DIP2C: variants seen among roughly 807,000 people sequenced by gnomAD.
DIP2C encodes the protein DIP2 acetate--CoA ligase C (putative).
Under a neutral mutation model 192.4 loss-of-function variants are expected in DIP2C, and 33 were observed. The observed-to-expected ratio is 0.17, with a 90% CI of 0.13 to 0.23. The LOEUF is 0.23. DIP2C is among the 10% of genes least tolerant of loss of function. The probability of loss-of-function intolerance (pLI) is 1.00; values close to 1 mark genes in which losing one functional copy is unlikely to be tolerated. For missense variants in DIP2C, 1,537 were observed against 2,110.1 expected (o/e 0.73, Z 5.32); for synonymous variants, 979 against 864.1 (o/e 1.13, Z -2.33).
chr10:597,033 T>C (rs960175610), intron 1 of DIP2C, among the ~76,000 whole-genome samples: 51 of 152,216 alleles, frequency 3.4e-4, no homozygotes, highest in African/African-American at 1.0e-3. Context: ...TGTTTGCCTC[T>C]GGACTGAGTG....
At chr10:461,116 C>G (rs1158863400) in intron 3 of DIP2C, among the ~76,000 whole-genome samples, 2 of 152,192 alleles carry the variant, frequency 1.3e-5, no homozygotes, top group Non-Finnish European at 2.9e-5. Flanking sequence ...GTAAAGACCA[C>G]TGACACTGTG....
chr10:538,215 T>C (rs1420098444), intron 1 of DIP2C, among the ~76,000 whole-genome samples: 1 of 152,192 alleles, frequency 6.6e-6, no homozygotes, highest in African/African-American at 2.4e-5. Flanking sequence ...TGGCATGCAG[T>C]GGCACAATGA....
intron 1 of DIP2C, among the ~76,000 whole-genome samples, chr10:674,102 G>A (rs938607770): frequency 1.3e-5 from 2 of 152,172 alleles, no homozygotes; most frequent in Non-Finnish European, 2.9e-5. Context: ...AAATCTTAAT[G>A]TCTGGACTGT....
chr10:300,391 G>C (rs1247990025), intron 32 of DIP2C, among the ~76,000 whole-genome samples: 1 of 147,874 alleles, frequency 6.8e-6, no homozygotes, highest in African/African-American at 2.4e-5. Flanking sequence ...AGCCAGTCAC[G>C]AAAAGACAAA....
chr10:422,779 G>A (rs750080757), intron 5 of DIP2C, 45 bp downstream of exon 5: 10 of 1,579,240 alleles, frequency 6.3e-6, no homozygotes, highest in Non-Finnish European at 8.6e-6. Flanking sequence ...ACACACAAAG[G>A]CGTTTACACA....
chr10:523,429 GGCTCTGTGTCACCC>G (rs1846848787), intron 1 of DIP2C, among the ~76,000 whole-genome samples: 1 of 129,408 alleles, frequency 7.7e-6, no homozygotes, highest in Admixed American at 7.5e-5. Flanking sequence ...AAGATGCAGG[GGCTCTGTGTCACCC>G]ACACACTCGT....
intron 3 of DIP2C, among the ~76,000 whole-genome samples, chr10:462,324 A>G (rs1403415349): frequency 6.6e-6 from 1 of 152,210 alleles, no homozygotes; most frequent in Admixed American, 6.5e-5. Context: ...AATAGACACA[A>G]TAAGAAATGA....
At chr10:557,117 G>A (rs1848920577) in intron 1 of DIP2C, among the ~76,000 whole-genome samples, 1 of 152,240 alleles carries the variant, frequency 6.6e-6, no homozygotes, top group Non-Finnish European at 1.5e-5. Flanking sequence ...CCTTGACACT[G>A]GGCGTAAGAC....
At chr10:665,911 A>T (rs917700978) in intron 1 of DIP2C, 1 of 152,124 alleles carries the variant, frequency 6.6e-6, no homozygotes, top group East Asian at 1.9e-4. Context: ...AGAGGTAAAT[A>T]ATCAAGTGGA....
intron 1 of DIP2C, among the ~76,000 whole-genome samples, chr10:541,844 T>TG (rs1183256214): frequency 2.6e-5 from 4 of 152,136 alleles, no homozygotes; most frequent in Non-Finnish European, 5.9e-5. Context: ...GACTGCACCC[T>TG]GTCTAGTGCA....
intron 30 of DIP2C, 83 bp downstream of exon 30, chr10:329,350 C>T: frequency 2.1e-6 from 3 of 1,423,526 alleles, no homozygotes; most frequent in Non-Finnish European, 2.8e-6. Flanking sequence ...ACTGTTTTAA[C>T]TTCACCCCAT....
At chr10:685,135 CAAAAAAAAAAAAAAAAA>C (rs140709069) in intron 1 of DIP2C, among the ~76,000 whole-genome samples, 6 of 72,974 alleles carry the variant, frequency 8.2e-5, no homozygotes, top group African/African-American at 4.3e-4. Flanking sequence ...ACTTGGTCCC[CAAAAAAAAAAAAAAAAA>C]AAAAAAAAAA....
Position 481,368 on chromosome 10 carries a change from G to A in DIP2C, c.157+5091C>T, listed in dbSNP as rs997990353. Among the ~76,000 whole-genome samples, 15 of 152,318 alleles carry A rather than the reference G, an allele frequency of 9.8e-5. 1 individual carries two copies. In the Middle Eastern group the frequency reaches 0.01, roughly 104 times the overall value. Reference sequence around the variant, plus strand: ...TCCCTCACAACTGTCAAAGCCCAGTGGGAGAATCTGCAACGGGACCTCAGA... The same window carrying A: ...TCCCTCACAACTGTCAAAGCCCAGTAGGAGAATCTGCAACGGGACCTCAGA... On this transcript the variant is annotated intron_variant, in intron 2 of 36. Transcript: ENST00000280886.
intron 4 of DIP2C, among the ~76,000 whole-genome samples, chr10:424,801 T>C (rs931168678): frequency 6.6e-5 from 10 of 152,212 alleles, no homozygotes; most frequent in Non-Finnish European, 1.2e-4. Context: ...TCACAACTCT[T>C]TACAATCTTT....
At chr10:572,333 T>C (rs1285651835) in intron 1 of DIP2C, among the ~76,000 whole-genome samples, 1 of 152,248 alleles carries the variant, frequency 6.6e-6, no homozygotes, top group African/African-American at 2.4e-5. Flanking sequence ...GCCTTTATAT[T>C]GCAGTTAACT....
At chr10:414,740 T>TG (rs1564679970) in intron 7 of DIP2C, among the ~76,000 whole-genome samples, 37 of 44,644 alleles carry the variant, frequency 8.3e-4, no homozygotes, top group Non-Finnish European at 1.5e-3. Flanking sequence ...TGTGTGTGTG[T>TG]ACATATATAT....
intron 6 of DIP2C, among the ~76,000 whole-genome samples, chr10:416,838 G>T (rs755529295): frequency 6.6e-6 from 1 of 152,126 alleles, no homozygotes; most frequent in East Asian, 1.9e-4. Flanking sequence ...GGGCTTGGAC[G>T]GTGCAGGGGT....
intron 8 of DIP2C, 50 bp downstream of exon 8, chr10:413,861 AGT>A: frequency 6.3e-7 from 1 of 1,585,078 alleles, no homozygotes; most frequent in South Asian, 1.1e-5. Context: ...TGCGTTCGGG[AGT>A]GGCTGTGCGA....
At chr10:527,691 CAT>C (rs1246711226) in intron 1 of DIP2C, among the ~76,000 whole-genome samples, 6 of 152,204 alleles carry the variant, frequency 3.9e-5, no homozygotes, top group Non-Finnish European at 7.3e-5. Flanking sequence ...TAAAACTTGA[CAT>C]AAATGTTGGC....
Sources: gnomAD v4.1 joint callset for allele counts (sites outside exome capture counted in the v4.1 genomes callset) on GRCh38, gnomAD v4.1.1 for gene constraint, MANE v1.5 for transcripts, NCBI Gene and HGNC (gene_info 2026-07-23, HGNC 2026-07-21) for gene names.